Variants in SYNE2 observed in about 807,000 individuals in gnomAD.
The protein encoded by SYNE2 is nesprin-2.
Under a neutral mutation model 856.3 loss-of-function variants are expected in SYNE2, and 431 were observed. That is an observed-to-expected ratio of 0.50 (90% CI 0.47 to 0.55). The LOEUF is 0.55. Among genes scored for constraint, SYNE2 ranks in the 20% least tolerant of loss-of-function variants. The pLI is 0.00. For synonymous variants in SYNE2, 2,923 were observed against 2,872.3 expected, an observed-to-expected ratio of 1.02 and a Z score of -0.56; for missense variants, 8,129 against 8,023.2, an observed-to-expected ratio of 1.01 and a Z score of -0.50.
intron 1 of SYNE2, among the ~76,000 whole-genome samples, chr14:63,797,779 G>A (rs1887977369): frequency 2.6e-5 from 4 of 152,206 alleles, no homozygotes; most frequent in Admixed American, 2.6e-4. Flanking sequence ...TTGTATGTGT[G>A]AAACACAGTA....
chr14:64,225,636 G>C lies in SYNE2; in HGVS notation c.*110G>C. 1 of 1,211,880 alleles carries C rather than the reference G, an allele frequency of 8.3e-7. No homozygotes were observed. The highest frequency in any genetic ancestry group is 2.5e-5 in the East Asian group (1 of 39,344). 75.1% of individuals were successfully genotyped at this position (1,211,880 alleles called of 1,614,324 possible). ...TAGTGTTGGCAAGGTCCCGGGACCTGTGCAGACTTCTTCTGGGCTTACCCA... is the reference window on the plus strand; with the variant it reads ...TAGTGTTGGCAAGGTCCCGGGACCTCTGCAGACTTCTTCTGGGCTTACCCA... On this transcript the variant is annotated 3_prime_UTR_variant, in exon 116 of 116. Transcript: ENST00000555002.
intron 100 of SYNE2, 107 bp from the exon 101 acceptor site, chr14:64,208,651 G>GTATC: frequency 2.6e-6 from 3 of 1,150,970 alleles, no homozygotes; most frequent in South Asian, 1.3e-5. Flanking sequence ...ACCCAGGGAA[G>GTATC]TATCCCCTGA....
chr14:64,177,332 C>T (rs1033082765), intron 95 of SYNE2, 26 bp from the exon 96 acceptor site: 5 of 1,613,738 alleles, frequency 3.1e-6, no homozygotes, highest in Non-Finnish European at 4.2e-6. Flanking sequence ...AAAATACTTA[C>T]CAGTTTTAAT....
At chr14:63,765,967 T>C (rs1050126332) in intron 1 of SYNE2, among the ~76,000 whole-genome samples, 1 of 152,140 alleles carries the variant, frequency 6.6e-6, no homozygotes, top group African/African-American at 2.4e-5. Flanking sequence ...ATTGTGCCAC[T>C]GCACTGCCAC....
intron 100 of SYNE2, chr14:64,208,341 G>T: frequency 2.7e-6 from 1 of 369,744 alleles, no homozygotes; most frequent in Admixed American, 3.7e-5. Flanking sequence ...TCCTGCTGAA[G>T]AGACTCAGTT....
chr14:63,941,008 C>T (rs146534837), intron 3 of SYNE2, among the ~76,000 whole-genome samples: 11 of 152,290 alleles, frequency 7.2e-5, no homozygotes, highest in African/African-American at 2.6e-4. Flanking sequence ...GTCCTAAACT[C>T]TTTAAGTGTA....
chr14:64,007,066 A>G lies in SYNE2; in HGVS notation c.4421A>G (p.Asp1474Gly). 6.2e-7 allele frequency: 1 copy of G among 1,613,516 alleles called. No individual in the cohort carries two copies. The highest frequency in any genetic ancestry group is 8.5e-7 in the Non-Finnish European group (1 of 1,179,588). Residue 1474 changes from aspartate to glycine, a missense_variant, in exon 31 of 116, where the codon GAT becomes GGT. Coordinates refer to ENST00000555002, the MANE Select transcript of SYNE2 (RefSeq NM_182914.3). ...KHRKKSLIRL[D>G]KVLDEYEEEK... ...AGGAAAAAATCATTAATCAGACTGGATAAGGTTCTAGATGAATATGAAGAA... is the reference window on the plus strand; with the variant it reads ...AGGAAAAAATCATTAATCAGACTGGGTAAGGTTCTAGATGAATATGAAGAA...
chr14:63,811,422 AT>A (rs1277724256), intron 1 of SYNE2, among the ~76,000 whole-genome samples: 1 of 151,604 alleles, frequency 6.6e-6, no homozygotes, highest in East Asian at 1.9e-4. Flanking sequence ...GCCTGGCTAA[AT>A]TTTTTTTGTA....
intron 58 of SYNE2, 97 bp downstream of exon 58, chr14:64,087,953 CG>C (rs2097576674): frequency 4.5e-6 from 6 of 1,323,780 alleles, no homozygotes; most frequent in Non-Finnish European, 6.4e-6. Flanking sequence ...GAGGCCAAGG[CG>C]GGTGGATCAC....
chr14:64,158,449 A>T (rs1385704358), intron 85 of SYNE2, among the ~76,000 whole-genome samples, 176 bp from the exon 86 acceptor site: 1 of 152,216 alleles, frequency 6.6e-6, no homozygotes, highest in Admixed American at 6.5e-5. Context: ...ATTATAAAAC[A>T]GCCTTCTCTG....
rs1245936121 is a variant in SYNE2, at chr14:63,998,046, C to T, written c.3244-173C>T. 5.3e-5 allele frequency among the ~76,000 whole-genome samples: 8 copies of T among 152,216 alleles called. No homozygotes were observed. In the East Asian group the frequency reaches 9.6e-4, roughly 18 times the overall value. ...ATACCAGTTAGAAGGTGAGACTCTCCTCTGTCCTACGGAAAGACTTTTCTC... is the reference window on the plus strand; with the variant it reads ...ATACCAGTTAGAAGGTGAGACTCTCTTCTGTCCTACGGAAAGACTTTTCTC... On this transcript the variant is annotated intron_variant, in intron 25 of 115. Transcript: ENST00000555002.
chr14:63,989,775 C>T (rs555404055), intron 19 of SYNE2, among the ~76,000 whole-genome samples: 10 of 152,160 alleles, frequency 6.6e-5, no homozygotes, highest in East Asian at 5.8e-4. Context: ...CTCAGTCTCC[C>T]GAGTAACTGG....
intron 1 of SYNE2, among the ~76,000 whole-genome samples, chr14:63,828,771 A>G (rs1889558256): frequency 6.6e-6 from 1 of 152,098 alleles, no homozygotes; most frequent in African/African-American, 2.4e-5. Context: ...AATAAAGTGT[A>G]TGGGAGGATG....
At position 64,025,396 on chromosome 14, in the gene SYNE2, T is replaced by C; in HGVS notation, c.6227T>C (p.Leu2076Pro). The change falls in exon 41 of 116, where the codon CTT (leucine) becomes CCT (proline). Residue 2076 changes from leucine to proline, a missense_variant. This residue lies in a region of SYNE2 where 297 missense variants were observed against 380.9 expected (regional missense o/e 0.78). Coordinates refer to ENST00000555002, the MANE Select transcript of SYNE2 (RefSeq NM_182914.3). ...AATTCATCCGAAGGCAAAATGCCAC[T>C]TGAGGAAAGAATCCAAAAAATCAAG... The part of the protein sequence containing the change: ...VLNSSEGKMP[L>P]EERIQKIKEI... 1 of 1,613,176 alleles carries C rather than the reference T, an allele frequency of 6.2e-7. No homozygotes were observed. The highest frequency in any genetic ancestry group is 8.5e-7 in the Non-Finnish European group (1 of 1,179,922).
intron 2 of SYNE2, among the ~76,000 whole-genome samples, chr14:63,931,155 A>G (rs2095748769): frequency 1.3e-5 from 2 of 152,204 alleles, no homozygotes; most frequent in African/African-American, 4.8e-5. Flanking sequence ...ATCATAAGTG[A>G]AGTATTAAGA....
At chr14:63,824,431 G>A (rs1264008880) in intron 1 of SYNE2, among the ~76,000 whole-genome samples, 1 of 151,872 alleles carries the variant, frequency 6.6e-6, no homozygotes, top group Non-Finnish European at 1.5e-5. Flanking sequence ...CTAAGGTCAG[G>A]AGTTCAAGAC....
At position 64,025,376 on chromosome 14, in the gene SYNE2, A is replaced by C; in HGVS notation, c.6207A>C (p.Ser2069=). The C allele has an allele frequency of 6.2e-7, 1 of 1,613,766 alleles. No homozygotes were observed. Among genetic ancestry groups the C allele is most frequent in the African/African-American group, 1.3e-5 (1 of 75,056 alleles). ...AAGAGTCCCTTATGGTTTTGAATTC[A>C]TCCGAAGGCAAAATGCCACTTGAGG... The part of the protein sequence containing the change: ...EIKESLMVLN[S]SEGKMPLEER... Residue 2069 remains serine (S), a synonymous_variant, in exon 41 of 116, where the codon TCA becomes TCC. Transcript: ENST00000555002.
chr14:63,949,552 C>T (rs1166659138), intron 6 of SYNE2, among the ~76,000 whole-genome samples: 1 of 152,136 alleles, frequency 6.6e-6, no homozygotes, highest in Non-Finnish European at 1.5e-5. Flanking sequence ...TCCATAAGCA[C>T]TTCAGGTGGA....
At chr14:64,127,506 T>C (rs1442760703) in intron 73 of SYNE2, among the ~76,000 whole-genome samples, 1 of 152,196 alleles carries the variant, frequency 6.6e-6, no homozygotes, top group Non-Finnish European at 1.5e-5. Flanking sequence ...TTGTATTACA[T>C]TTAGCCATTT....
Sources: allele counts gnomAD v4.1 joint callset (sites outside exome capture counted in the v4.1 genomes callset), GRCh38; gene constraint gnomAD v4.1.1; regional missense constraint gnomAD v4.1.1; transcripts MANE v1.5; gene names NCBI Gene and HGNC (gene_info 2026-07-23, HGNC 2026-07-21).